HELB: variants seen among roughly 807,000 people sequenced by gnomAD.
HELB encodes the protein DNA helicase B, also known as DNA 5'-3' helicase B.
A neutral mutation model predicts 101.7 loss-of-function variants in HELB; 96 were observed. The ratio of observed to expected loss-of-function variants is 0.94; its 90% CI spans 0.80 to 1.12. The LOEUF (loss-of-function observed/expected upper bound fraction) is 1.12, where lower values mean the gene tolerates loss of function less well. Among genes scored for constraint, HELB ranks in the 50% most tolerant of loss-of-function variants. HELB has a pLI of 0.00. For synonymous variants in HELB, 437 were observed against 459.7 expected (o/e 0.95, Z 0.63); for missense variants, 1,210 against 1,291.9 (o/e 0.94, Z 0.97).
intron 11 of HELB, 76 bp from the exon 12 acceptor site, chr12:66,331,078 G>A: frequency 6.7e-7 from 1 of 1,491,474 alleles, no homozygotes; most frequent in Non-Finnish European, 9.0e-7. Flanking sequence ...TTGAACACTT[G>A]TCTCCTTTCC....
chr12:66,308,461 A>G (rs989917593), intron 3 of HELB, among the ~76,000 whole-genome samples: 10 of 152,368 alleles, frequency 6.6e-5, no homozygotes, highest in Middle Eastern at 3.4e-3. Context: ...AGGTCTCACC[A>G]TTCAGCATGT....
intron 10 of HELB, 27 bp from the exon 11 acceptor site, chr12:66,324,956 C>A (rs540284944): frequency 1.9e-6 from 3 of 1,610,822 alleles, no homozygotes; most frequent in Non-Finnish European, 2.5e-6. Flanking sequence ...TGAAGGTATG[C>A]AAAATAGTTC....
At chr12:66,337,102 T>G (rs568015425) in intron 12 of HELB, among the ~76,000 whole-genome samples, 4 of 152,148 alleles carry the variant, frequency 2.6e-5, no homozygotes, top group African/African-American at 9.7e-5. Context: ...ACTCCAAGAC[T>G]TCTGGCTAAG....
At chr12:66,304,707 G>C (rs1381505246) in intron 1 of HELB, 24 bp from the exon 2 acceptor site, 6 of 1,564,286 alleles carry the variant, frequency 3.8e-6, no homozygotes, top group Non-Finnish European at 5.2e-6. Context: ...TAACTTTTGT[G>C]GGTTTTTGTT....
chr12:66,331,163 G>A lies in HELB; in HGVS notation c.2680G>A (p.Glu894Lys). ...ATATTTTTCCTGCCAGGGGTCCGAG[G>A]AGCAAACAGTTGTCTATGTGGTGGG... ...RTIHTFQGSE[E>K]QTVVYVVGKA... is the part of the protein sequence containing the mutation. Residue 894 changes from glutamate to lysine, a missense_variant, in exon 12 of 13, where the codon GAG (glutamate) becomes AAG (lysine). Coordinates refer to ENST00000247815, the MANE Select transcript of HELB (RefSeq NM_001370285.1). 6.2e-7 allele frequency: 1 copy of A among 1,603,942 alleles called. No individual in the cohort carries two copies. Among genetic ancestry groups the A allele is most frequent in the Non-Finnish European group, 8.5e-7 (1 of 1,173,430 alleles).
At chr12:66,328,892 T>C (rs1329297492) in intron 11 of HELB, among the ~76,000 whole-genome samples, 2 of 152,226 alleles carry the variant, frequency 1.3e-5, no homozygotes, top group Non-Finnish European at 2.9e-5. Flanking sequence ...ATGAGACTAC[T>C]AGAAAATTTT....
chr12:66,327,356 C>G (rs925216137), intron 11 of HELB, among the ~76,000 whole-genome samples: 1 of 152,044 alleles, frequency 6.6e-6, no homozygotes, highest in Non-Finnish European at 1.5e-5. Flanking sequence ...TCTGTTCTGT[C>G]TCTCTAGAAT....
Position 66,331,634 on chromosome 12 carries a change from A to G in HELB, c.3151A>G (p.Lys1051Glu). The G allele has an allele frequency of 1.3e-6, 2 of 1,596,698 alleles. No homozygotes were observed. The highest frequency in any genetic ancestry group is 1.7e-6 in the Non-Finnish European group (2 of 1,176,010). The change falls in exon 12 of 13, where the codon AAA becomes GAA. Residue 1051 changes from lysine (K) to glutamate (E), a missense_variant. Lys to Glu is a moderately conservative substitution (Grantham distance 56). Coordinates refer to ENST00000247815, the MANE Select transcript of HELB (RefSeq NM_001370285.1). ...CGVNDDESPS[K>E]IFMVGESPQV... The stretch of plus-strand genomic sequence containing the variant: ...TGTGAATGATGATGAAAGTCCAAGC[A>G]AAATTTTTATGGTAGGAGTGATGTT...
Position 66,331,329 on chromosome 12 carries a change from A to C in HELB, c.2846A>C (p.His949Pro). The C allele has an allele frequency of 6.2e-7, 1 of 1,614,178 alleles. No homozygotes were observed. The highest frequency in any genetic ancestry group is 8.5e-7 in the Non-Finnish European group (1 of 1,180,032). The part of the protein sequence containing the change: ...NSFPRKTRLK[H>P]FLQSKLSSSG... ...TTTCCTAGAAAAACTCGTTTGAAAC[A>C]TTTCTTGCAAAGTAAGCTCTCCTCT... Residue 949 changes from histidine to proline, a missense_variant, in exon 12 of 13, where the codon CAT becomes CCT. Physicochemically the swap from His to Pro is moderately conservative, Grantham distance 77. Around this residue, in one of 2 missense-constraint regions of HELB, gnomAD observed 740 missense variants for 728.8 expected, o/e 1.02. Transcript: ENST00000247815.
At chr12:66,315,515 T>C (rs2053594783) in intron 6 of HELB, 132 bp downstream of exon 6, 1 of 543,242 alleles carries the variant, frequency 1.8e-6, no homozygotes, top group African/African-American at 1.9e-5. Context: ...CCTTCAACTA[T>C]AAACCTTTTG....
chr12:66,310,303 G>T lies in HELB; in HGVS notation c.1375G>T (p.Val459Leu), dbSNP rs771160040. The change falls in exon 4 of 13, where the codon GTG becomes TTG. Residue 459 changes from valine to leucine, a missense_variant. Physicochemically the swap from Val to Leu is conservative, Grantham distance 32. Around this residue, in one of 2 missense-constraint regions of HELB, gnomAD observed 470 missense variants for 563.1 expected, o/e 0.83. Coordinates refer to ENST00000247815, the MANE Select transcript of HELB (RefSeq NM_001370285.1). Reference protein sequence around the residue: ...QVEVPLDRDQVAALEMICSNP... With the variant: ...QVEVPLDRDQLAALEMICSNP... ...TGAAGTTCCACTGGATCGGGATCAG[G>T]TGGCTGCTTTGGAAATGATTTGCTC... The T allele has an allele frequency of 8.7e-6, 14 of 1,614,170 alleles. No homozygotes were observed. In the South Asian group the frequency reaches 9.9e-5, roughly 11 times the overall value.
intron 12 of HELB, among the ~76,000 whole-genome samples, chr12:66,331,968 A>T (rs1329872338): frequency 6.6e-6 from 1 of 152,156 alleles, no homozygotes; most frequent in Non-Finnish European, 1.5e-5. Flanking sequence ...TGACTATAGT[A>T]ACATTTCAGG....
chr12:66,308,885 C>A (rs561613692), intron 3 of HELB, among the ~76,000 whole-genome samples: 2 of 152,142 alleles, frequency 1.3e-5, no homozygotes, highest in South Asian at 4.2e-4. Flanking sequence ...TGGGGGGACA[C>A]AGTTCGGCCC....
intron 5 of HELB, among the ~76,000 whole-genome samples, chr12:66,314,902 A>G (rs2053585014): frequency 6.6e-6 from 1 of 151,514 alleles, no homozygotes; most frequent in African/African-American, 2.4e-5. Context: ...TTGTACACTT[A>G]TTTTATCTAT....
At chr12:66,311,644 G>A (rs1412292363) in intron 4 of HELB, among the ~76,000 whole-genome samples, 2 of 152,128 alleles carry the variant, frequency 1.3e-5, no homozygotes, top group African/African-American at 4.8e-5. Context: ...ATGAAAGTGA[G>A]GACTTTGCTC....
chr12:66,337,850 G>C (rs2053882883), intron 12 of HELB, 151 bp from the exon 13 acceptor site: 1 of 593,334 alleles, frequency 1.7e-6, no homozygotes, highest in Admixed American at 3.1e-5. Context: ...CCTACAAGGA[G>C]CTGATAGCCA....
At chr12:66,324,249 A>T (rs761361021) in intron 10 of HELB, 38 bp downstream of exon 10, 1 of 1,312,700 alleles carries the variant, frequency 7.6e-7, no homozygotes, top group Non-Finnish European at 1.1e-6. Flanking sequence ...TTAACTAATT[A>T]GAGATATGTT....
chr12:66,302,978 C>T (rs1437662529), intron 1 of HELB, among the ~76,000 whole-genome samples, 188 bp downstream of exon 1: 2 of 148,300 alleles, frequency 1.3e-5, no homozygotes, highest in Non-Finnish European at 3.0e-5. Flanking sequence ...TGGACACATA[C>T]TATGTGGTTT....
intron 6 of HELB, among the ~76,000 whole-genome samples, chr12:66,316,962 T>C (rs1426613466): frequency 1.4e-5 from 2 of 142,718 alleles, no homozygotes; most frequent in Non-Finnish European, 3.0e-5. Flanking sequence ...GAGATTGCAG[T>C]GAGCCGAGAT....
Sources: allele counts gnomAD v4.1 joint callset (sites outside exome capture counted in the v4.1 genomes callset), GRCh38; gene constraint gnomAD v4.1.1; regional missense constraint gnomAD v4.1.1; transcripts MANE v1.5; gene names NCBI Gene and HGNC (gene_info 2026-07-23, HGNC 2026-07-21).